Variants in RGS17 observed in about 807,000 individuals in gnomAD.
The protein encoded by RGS17 is regulator of G protein signaling 17.
RGS17 carries 12 observed loss-of-function variants against 25.5 expected under a neutral mutation model. That is an observed-to-expected ratio of 0.47 (90% CI 0.30 to 0.76). The LOEUF (loss-of-function observed/expected upper bound fraction) is 0.76. Ranked by LOEUF, RGS17 falls within the 30% of genes least tolerant of loss-of-function variation. The pLI, the probability that RGS17 is intolerant of heterozygous loss-of-function variation, is 0.07. For synonymous variants in RGS17, 71 were observed against 76.9 expected (o/e 0.92, Z 0.40); for missense variants, 196 against 242.2 (o/e 0.81, Z 1.27).
intron 1 of RGS17, among the ~76,000 whole-genome samples, chr6:153,101,387 G>A (rs144518511): frequency 6.4e-4 from 97 of 152,262 alleles, no homozygotes; most frequent in Non-Finnish European, 1.0e-3. Context: ...ACATGGATGT[G>A]GTTATCCTCG....
chr6:153,062,208 T>G (rs1776649038), intron 1 of RGS17, among the ~76,000 whole-genome samples: 1 of 151,832 alleles, frequency 6.6e-6, no homozygotes, highest in African/African-American at 2.4e-5. Flanking sequence ...TAATATCATG[T>G]CACTGAAAGA....
In RGS17 at chr6:153,131,135, G is replaced by A. The variant is rs1200250046; in HGVS notation, c.-37C>T. 2 of 152,210 alleles carry A rather than the reference G, an allele frequency of 1.3e-5. No individual in the cohort carries two copies. Among genetic ancestry groups the A allele is most frequent in the African/African-American group, 4.8e-5 (2 of 41,412 alleles). 9.4% of individuals were successfully genotyped at this position (152,210 alleles called of 1,614,324 possible). ...AGGCAGCGTCTTACCCGGTCGCCTG[G>A]AGGTGTGGGCAGCGCGCCGATGGGT... On this transcript the variant is annotated 5_prime_UTR_variant, in exon 1 of 5. Transcript: ENST00000206262.
At chr6:153,091,434 T>C (rs930993958) in intron 1 of RGS17, among the ~76,000 whole-genome samples, 1 of 152,154 alleles carries the variant, frequency 6.6e-6, no homozygotes, top group Non-Finnish European at 1.5e-5. Flanking sequence ...CATAACTACA[T>C]ATTATGCAAA....
In RGS17 at chr6:153,102,057, A is replaced by G. The variant is rs1228084767; in HGVS notation, c.-26+29067T>C. On this transcript the variant is annotated intron_variant, in intron 1 of 4. Coordinates refer to ENST00000206262, the MANE Select transcript of RGS17 (RefSeq NM_012419.5). ...CCATTGTTTGGCATTTCTGCCATCAATGCAACGATCTGCCTTTGTACTTGA... is the reference window on the plus strand; with the variant it reads ...CCATTGTTTGGCATTTCTGCCATCAGTGCAACGATCTGCCTTTGTACTTGA... Among the ~76,000 whole-genome samples, 5 of 152,228 alleles carry G rather than the reference A, an allele frequency of 3.3e-5. No individual in the cohort carries two copies. The East Asian group carries it at 9.6e-4, about 29-fold the overall frequency.
intron 1 of RGS17, among the ~76,000 whole-genome samples, chr6:153,093,012 C>T (rs1199308591): frequency 1.3e-5 from 2 of 152,114 alleles, no homozygotes; most frequent in African/African-American, 4.8e-5. Flanking sequence ...CTAAAAATAA[C>T]TTAAAGAAAC....
intron 1 of RGS17, among the ~76,000 whole-genome samples, chr6:153,111,291 A>G (rs766855135): frequency 1.3e-4 from 20 of 152,140 alleles, no homozygotes; most frequent in Non-Finnish European, 2.6e-4. Flanking sequence ...TTGAGTAGGC[A>G]GTTTTCCCCT....
intron 1 of RGS17, among the ~76,000 whole-genome samples, chr6:153,061,035 G>A (rs1776631935): frequency 6.6e-6 from 1 of 152,172 alleles, no homozygotes; most frequent in Non-Finnish European, 1.5e-5. Context: ...TTCTCTAACA[G>A]AGGCCAGATA....
intron 1 of RGS17, among the ~76,000 whole-genome samples, chr6:153,052,809 C>A (rs1470284743): frequency 1.3e-5 from 2 of 152,062 alleles, no homozygotes; most frequent in Non-Finnish European, 2.9e-5. Flanking sequence ...ATGTTGAAAT[C>A]TAATCTCAGG....
At chr6:153,031,945 A>T (rs1393102569) in intron 2 of RGS17, among the ~76,000 whole-genome samples, 1 of 152,204 alleles carries the variant, frequency 6.6e-6, no homozygotes, top group Non-Finnish European at 1.5e-5. Flanking sequence ...GAAGGACAAA[A>T]GTAACACCGT....
At chr6:153,064,406 G>A (rs1356063840) in intron 1 of RGS17, among the ~76,000 whole-genome samples, 2 of 152,164 alleles carry the variant, frequency 1.3e-5, no homozygotes, top group African/African-American at 4.8e-5. Flanking sequence ...TGAGGCAGGT[G>A]GATCATGAGG....
In RGS17 at chr6:153,011,672, A is replaced by G. The variant is rs1002943323; in HGVS notation, c.535T>C (p.Tyr179His). The change falls in exon 5 of 5, where the codon TAT (tyrosine) becomes CAT (histidine). Residue 179 changes from tyrosine (Y) to histidine (H), a missense_variant. This residue lies in a region of RGS17 where 179 missense variants were observed against 197.6 expected (regional missense o/e 0.91). Coordinates refer to ENST00000206262, the MANE Select transcript of RGS17 (RefSeq NM_012419.5). ...AAAGAATCTCTGTGCATTAAAGTAT[A>G]TATCTGAAGTTGGGCATCTTCATAC... is the stretch of plus-strand genomic sequence containing the variant. ...HMYEDAQLQIYTLMHRDSFPR... is the reference protein window; with the variant it reads ...HMYEDAQLQIHTLMHRDSFPR... 13 of 1,612,534 alleles carry G rather than the reference A, an allele frequency of 8.1e-6. No individual in the cohort carries two copies. The highest frequency in any genetic ancestry group is 6.7e-5 in the East Asian group (3 of 44,816).
At chr6:153,050,705 A>AT (rs770672113) in intron 1 of RGS17, among the ~76,000 whole-genome samples, 175 of 152,344 alleles carry the variant, frequency 1.1e-3, no homozygotes, top group Non-Finnish European at 1.6e-3. Flanking sequence ...GACAAATTCC[A>AT]TTTTTATGTT....
chr6:153,056,035 T>C (rs559738348), intron 1 of RGS17, among the ~76,000 whole-genome samples: 2 of 152,172 alleles, frequency 1.3e-5, no homozygotes, highest in Non-Finnish European at 2.9e-5. Flanking sequence ...CAGGAACATA[T>C]GAAAAATTCG....
chr6:153,115,992 C>CTTGTACTAAGAAAATATCTT (rs1777538001), intron 1 of RGS17, among the ~76,000 whole-genome samples: 1 of 152,136 alleles, frequency 6.6e-6, no homozygotes, highest in African/African-American at 2.4e-5. Context: ...CTAGGCAATA[C>CTTGTACTAAGAAAATATCTT]CATTCAGGAT....
intron 1 of RGS17, among the ~76,000 whole-genome samples, chr6:153,128,709 A>G (rs532292689): frequency 6.6e-6 from 1 of 152,254 alleles, no homozygotes; most frequent in African/African-American, 2.4e-5. Flanking sequence ...GTTTATTATT[A>G]TTATTATTTA....
chr6:153,035,363 TCA>T (rs147817210), intron 2 of RGS17, among the ~76,000 whole-genome samples: 1,706 of 152,288 alleles, frequency 0.011, 34 homozygotes, highest in African/African-American at 0.038. Context: ...AATTTCATTT[TCA>T]CAAAAAGTGA....
intron 1 of RGS17, among the ~76,000 whole-genome samples, chr6:153,122,910 C>T (rs937809646): frequency 1.2e-5 from 1 of 83,440 alleles, no homozygotes; most frequent in Admixed American, 1.1e-4. Flanking sequence ...TGTTAGTATT[C>T]CAATTCACAA....
intron 1 of RGS17, among the ~76,000 whole-genome samples, chr6:153,125,560 T>C (rs1469614838): frequency 6.6e-6 from 1 of 152,176 alleles, no homozygotes; most frequent in African/African-American, 2.4e-5. Context: ...CTGGTACCAC[T>C]GATGATTATA....
chr6:153,051,546 G>A (rs1415890), intron 1 of RGS17, among the ~76,000 whole-genome samples: 58,234 of 151,608 alleles, frequency 0.38, 11,817 homozygotes, highest in East Asian at 0.62. Context: ...GTTATTAAGC[G>A]GCCAACAACT....
Sources: gnomAD v4.1 joint callset for allele counts (sites outside exome capture counted in the v4.1 genomes callset) on GRCh38, gnomAD v4.1.1 for gene constraint, gnomAD v4.1.1 regional missense constraint, MANE v1.5 for transcripts, NCBI Gene and HGNC (gene_info 2026-07-23, HGNC 2026-07-21) for gene names.